The following ARB2A variants were observed in gnomAD, a reference collection of about 807,000 sequenced individuals.
ARB2A encodes the protein cotranscriptional regulator ARB2A.
At chr5:93,799,942 C>T in the ARB2A span, among the ~76,000 whole-genome samples, 2 of 151,764 alleles carry the variant, frequency 1.3e-5, no homozygotes, top group Non-Finnish European at 2.9e-5. Context: ...ATATTTTTTC[C>T]AGGTAATTAT....
the ARB2A span, among the ~76,000 whole-genome samples, chr5:93,851,178 A>C: frequency 3.3e-5 from 5 of 152,196 alleles, no homozygotes; most frequent in Non-Finnish European, 5.9e-5. Flanking sequence ...AACGAGTGAA[A>C]ATGCTTAGCA....
the ARB2A span, among the ~76,000 whole-genome samples, chr5:93,870,918 T>C: frequency 6.6e-6 from 1 of 152,246 alleles, no homozygotes. Context: ...GGAAAAGCAG[T>C]TGTGCACTTG....
At chr5:93,998,960 A>G in the ARB2A span, among the ~76,000 whole-genome samples, 7 of 152,040 alleles carry the variant, frequency 4.6e-5, no homozygotes, top group African/African-American at 1.7e-4. Flanking sequence ...CAGTGCAAAT[A>G]CAATTTTAAG....
chr5:93,838,824 T>C, the ARB2A span, among the ~76,000 whole-genome samples: 1 of 152,182 alleles, frequency 6.6e-6, no homozygotes. Context: ...TAGGACTGTG[T>C]TCCTGATTTG....
At chr5:94,098,984 A>G in the ARB2A span, among the ~76,000 whole-genome samples, 1 of 152,148 alleles carries the variant, frequency 6.6e-6, no homozygotes, top group African/African-American at 2.4e-5. Flanking sequence ...AATCACTAAT[A>G]AATAGCCTAC....
chr5:93,829,215 A>G, the ARB2A span, among the ~76,000 whole-genome samples: 1 of 152,222 alleles, frequency 6.6e-6, no homozygotes. Context: ...CTTGACCCCA[A>G]ACACATCCCT....
the ARB2A span, among the ~76,000 whole-genome samples, chr5:93,944,661 A>C: frequency 7.2e-5 from 11 of 151,892 alleles, no homozygotes; most frequent in Non-Finnish European, 1.5e-4. Context: ...AAAAGGAGGG[A>C]AAGAATGGGA....
the ARB2A span, among the ~76,000 whole-genome samples, chr5:93,804,096 C>T: frequency 1.3e-5 from 2 of 151,974 alleles, no homozygotes; most frequent in Non-Finnish European, 2.9e-5. Flanking sequence ...AATATATGTA[C>T]ACAGACACCA....
At chr5:93,883,924 TACACACAC>T in the ARB2A span, among the ~76,000 whole-genome samples, 376 of 133,980 alleles carry the variant, frequency 2.8e-3, no homozygotes, top group East Asian at 5.8e-3. Context: ...CACATACACA[TACACACAC>T]ACACACACAC....
At chr5:93,752,169 G>A in the ARB2A span, among the ~76,000 whole-genome samples, 2 of 152,134 alleles carry the variant, frequency 1.3e-5, no homozygotes, top group African/African-American at 4.8e-5. Context: ...GAGGGCAAGC[G>A]AAGTAAAGAC....
chr5:94,012,456 G>A, the ARB2A span, among the ~76,000 whole-genome samples: 15 of 152,182 alleles, frequency 9.9e-5, no homozygotes, highest in Admixed American at 2.6e-4. Context: ...ATTGTGACAG[G>A]AGCATTTTGT....
the ARB2A span, among the ~76,000 whole-genome samples, chr5:93,965,933 G>A: frequency 6.6e-6 from 1 of 151,914 alleles, no homozygotes; most frequent in African/African-American, 2.4e-5. Context: ...ATCTTGGCTG[G>A]TAATGGTAAT....
chr5:94,056,984 G>A, the ARB2A span, among the ~76,000 whole-genome samples: 1 of 152,174 alleles, frequency 6.6e-6, no homozygotes, highest in Non-Finnish European at 1.5e-5. Context: ...AGTGTGCACA[G>A]AGCAACAACG....
the ARB2A span, among the ~76,000 whole-genome samples, chr5:93,793,880 G>T: frequency 6.6e-6 from 1 of 152,130 alleles, no homozygotes. Context: ...ACCCAAAATG[G>T]CCCTTCAGAG....
At chr5:94,053,107 A>G in the ARB2A span, 1 of 1,379,776 alleles carries the variant, frequency 7.2e-7, no homozygotes, top group South Asian at 1.3e-5. Context: ...ATAGATAGAT[A>G]GATAGATAAC....
chr5:93,921,767 C>G, the ARB2A span, among the ~76,000 whole-genome samples: 1 of 152,114 alleles, frequency 6.6e-6, no homozygotes, highest in Non-Finnish European at 1.5e-5. Flanking sequence ...AAACACCAGC[C>G]GCCTGTTTTT....
At chr5:93,971,241 G>A in the ARB2A span, among the ~76,000 whole-genome samples, 3 of 151,932 alleles carry the variant, frequency 2.0e-5, no homozygotes, top group Non-Finnish European at 2.9e-5. Flanking sequence ...CTCGTGATCC[G>A]CCCGCCTCGG....
At chr5:94,106,755 A>G in the ARB2A span, among the ~76,000 whole-genome samples, 1 of 152,014 alleles carries the variant, frequency 6.6e-6, no homozygotes, top group Admixed American at 6.6e-5. Context: ...GACTGAACAA[A>G]GAAAATGTGG....
At chr5:94,077,339 C>T in the ARB2A span, among the ~76,000 whole-genome samples, 13,458 of 151,268 alleles carry the variant, frequency 0.089, 766 homozygotes, top group Middle Eastern at 0.16. Flanking sequence ...CACCACTGCA[C>T]TCCAGCCTGG....
Sources: allele counts gnomAD v4.1 joint callset (sites outside exome capture counted in the v4.1 genomes callset), GRCh38; gene constraint gnomAD v4.1.1; transcripts MANE v1.5; gene names NCBI Gene and HGNC (gene_info 2026-07-23, HGNC 2026-07-21).